GALNTL6: variants seen among roughly 807,000 people sequenced by gnomAD.
GALNTL6 encodes polypeptide N-acetylgalactosaminyltransferase-like 6.
In GALNTL6, 46 loss-of-function variants were observed where a neutral mutation model predicts 73.7. The ratio of observed to expected loss-of-function variants is 0.62; its 90% confidence interval spans 0.49 to 0.80. GALNTL6 has a LOEUF of 0.80. GALNTL6 is among the 30% of genes least tolerant of loss of function. The pLI, the probability that GALNTL6 is intolerant of heterozygous loss-of-function variation, is 0.00. For missense variants in GALNTL6, 604 were observed against 755.0 expected, an observed-to-expected ratio of 0.80 and a Z score of 2.34; for synonymous variants, 259 against 263.7, an observed-to-expected ratio of 0.98 and a Z score of 0.17.
intron 5 of GALNTL6, among the ~76,000 whole-genome samples, chr4:172,489,959 G>A (rs1733838367): frequency 6.6e-6 from 1 of 152,148 alleles, no homozygotes. Flanking sequence ...TAAAATGTGG[G>A]TAAAAAATCT....
In GALNTL6 at chr4:172,166,429, G is replaced by A. The variant is rs377130853; in HGVS notation, c.139-63227G>A. Among the ~76,000 whole-genome samples, 10 of 151,668 alleles carry A rather than the reference G, an allele frequency of 6.6e-5. No individual in the cohort carries two copies. In the East Asian group the frequency reaches 1.2e-3, roughly 18 times the overall value. On this transcript the variant is annotated intron_variant, in intron 2 of 12. Transcript: ENST00000506823. The stretch of plus-strand genomic sequence containing the variant: ...TTGCTGCACTCCAGCCTGGGTGACA[G>A]AGCAAGACTCTGTCTCAAAAAAAAA...
At chr4:172,612,536 A>C (rs1738564286) in intron 5 of GALNTL6, among the ~76,000 whole-genome samples, 1 of 152,068 alleles carries the variant, frequency 6.6e-6, no homozygotes. Flanking sequence ...ACTGGGCAGA[A>C]TTAAGTCACG....
intron 5 of GALNTL6, among the ~76,000 whole-genome samples, chr4:172,500,683 T>G (rs960328014): frequency 2.6e-5 from 4 of 152,134 alleles, no homozygotes; most frequent in African/African-American, 9.7e-5. Flanking sequence ...AAGTTTTTTT[T>G]TTTGTTTTTT....
rs139084260 is a variant in GALNTL6, at chr4:171,988,674, G to C, written c.138+173956G>C. 8.0e-3 allele frequency among the ~76,000 whole-genome samples: 1,219 copies of C among 152,230 alleles called. 14 individuals carry two copies. The highest frequency in any genetic ancestry group is 0.028 in the African/African-American group (1,146 of 41,538). ...GCCTGGTTTTAGGACAGGTAAAATG[G>C]GGGAATGGTAAGGAGAGTGTATAGG... is the stretch of plus-strand genomic sequence containing the variant. On this transcript the variant is annotated intron_variant, in intron 2 of 12. Coordinates refer to ENST00000506823, the MANE Select transcript of GALNTL6 (RefSeq NM_001034845.3).
intron 2 of GALNTL6, among the ~76,000 whole-genome samples, chr4:172,075,482 CT>C (rs1207417003): frequency 6.6e-6 from 1 of 152,056 alleles, no homozygotes; most frequent in Admixed American, 6.6e-5. Context: ...CTACAGGCGC[CT>C]GCCACCAGGC....
At position 172,438,587 on chromosome 4, in the gene GALNTL6, C is replaced by T. The variant is rs1731721393; in HGVS notation, c.553+89898C>T. Among the ~76,000 whole-genome samples, 4 of 152,128 alleles carry T rather than the reference C, an allele frequency of 2.6e-5. No homozygotes were observed. In the South Asian group the frequency reaches 6.2e-4, roughly 24 times the overall value. ...CTCAATTAATAGTATATGCCCTTGA[C>T]AAAACTCTAGCATTTGTTAAATCTT... On this transcript the variant is annotated intron_variant, in intron 5 of 12. Coordinates refer to ENST00000506823, the MANE Select transcript of GALNTL6 (RefSeq NM_001034845.3).
At position 171,927,501 on chromosome 4, in the gene GALNTL6, T is replaced by C. The variant is rs530482550; in HGVS notation, c.138+112783T>C. On this transcript the variant is annotated intron_variant, in intron 2 of 12. Coordinates refer to ENST00000506823, the MANE Select transcript of GALNTL6 (RefSeq NM_001034845.3). ...TATATTATAATTAGAGTAACTATCT[T>C]GGTGTCTTCTATGGTTTCTCTGTTC... Among the ~76,000 whole-genome samples, 10 of 152,272 alleles carry C rather than the reference T, an allele frequency of 6.6e-5. No homozygotes were observed. The South Asian group carries it at 1.5e-3, about 22-fold the overall frequency.
At chr4:172,005,864 G>A (rs1429004952) in intron 2 of GALNTL6, among the ~76,000 whole-genome samples, 1 of 152,110 alleles carries the variant, frequency 6.6e-6, no homozygotes, top group Admixed American at 6.6e-5. Flanking sequence ...ATTAGTGGAA[G>A]CCTTAGCTTA....
intron 2 of GALNTL6, among the ~76,000 whole-genome samples, chr4:171,837,650 A>T (rs1340908186): frequency 6.8e-6 from 1 of 147,196 alleles, no homozygotes; most frequent in Non-Finnish European, 1.5e-5. Context: ...TATATTAATA[A>T]TAAATTAATA....
rs72997043 is a variant in GALNTL6 at position 172,539,175 on chromosome 4, G to A, written c.553+190486G>A. Reference sequence around the variant, plus strand: ...AATTTTTTTTGTGTTCTTTTCCTAGGGTACTTTTTTATCATTGCAACATAT... The same window carrying A: ...AATTTTTTTTGTGTTCTTTTCCTAGAGTACTTTTTTATCATTGCAACATAT... On this transcript the variant is annotated intron_variant, in intron 5 of 12. Transcript: ENST00000506823. Among the ~76,000 whole-genome samples the A allele has an allele frequency of 1.6e-3, 250 of 152,132 alleles. 2 individuals are homozygous for A. Among genetic ancestry groups the A allele is most frequent in the African/African-American group, 5.8e-3 (242 of 41,496 alleles).
chr4:172,832,175 C>T (rs1460911053), intron 7 of GALNTL6, among the ~76,000 whole-genome samples: 3 of 152,076 alleles, frequency 2.0e-5, no homozygotes, highest in Admixed American at 6.5e-5. Flanking sequence ...AATGAAGTTG[C>T]GGAACCAAGA....
intron 3 of GALNTL6, among the ~76,000 whole-genome samples, chr4:172,296,021 G>A (rs956085378): frequency 2.6e-5 from 4 of 152,024 alleles, no homozygotes; most frequent in African/African-American, 7.2e-5. Context: ...TTGAATAGAA[G>A]TATTGATGCT....
chr4:172,212,662 A>T (rs836312), intron 2 of GALNTL6, among the ~76,000 whole-genome samples: 148,477 of 152,090 alleles, frequency 0.98, 72,586 homozygotes, highest in East Asian at 1. Context: ...CTGCTCTTAT[A>T]TTTTTATTTT....
At chr4:172,274,004 C>G (rs998467561) in intron 3 of GALNTL6, among the ~76,000 whole-genome samples, 5 of 152,032 alleles carry the variant, frequency 3.3e-5, no homozygotes, top group Admixed American at 2.0e-4. Context: ...GTCTGAAAAC[C>G]AAAAAATTTT....
chr4:172,847,233 A>G (rs1315449019), intron 7 of GALNTL6, among the ~76,000 whole-genome samples: 3 of 151,972 alleles, frequency 2.0e-5, no homozygotes, highest in African/African-American at 7.2e-5. Flanking sequence ...ACTTTATTAA[A>G]GAGAACTCTA....
intron 5 of GALNTL6, among the ~76,000 whole-genome samples, chr4:172,615,607 C>T (rs1048385122): frequency 7.9e-5 from 12 of 152,120 alleles, no homozygotes; most frequent in African/African-American, 2.9e-4. Flanking sequence ...TATTACACTG[C>T]TCTTCACAAT....
At chr4:172,657,081 G>A (rs1398889488) in intron 5 of GALNTL6, among the ~76,000 whole-genome samples, 1 of 152,186 alleles carries the variant, frequency 6.6e-6, no homozygotes, top group African/African-American at 2.4e-5. Flanking sequence ...AACCATTGTT[G>A]ATTTCACTGT....
intron 5 of GALNTL6, among the ~76,000 whole-genome samples, chr4:172,580,775 TTTTG>T (rs761031950): frequency 1.1e-4 from 16 of 152,322 alleles, no homozygotes; most frequent in African/African-American, 2.9e-4. Context: ...GTTTTAATTT[TTTTG>T]TTTGTTTGTT....
intron 5 of GALNTL6, among the ~76,000 whole-genome samples, chr4:172,633,182 C>T (rs1739489114): frequency 6.6e-6 from 1 of 152,144 alleles, no homozygotes; most frequent in Admixed American, 6.5e-5. Flanking sequence ...AAGAGGGCCA[C>T]CATCCTCCAG....
Sources: allele counts gnomAD v4.1 joint callset (sites outside exome capture counted in the v4.1 genomes callset), GRCh38; gene constraint gnomAD v4.1.1; transcripts MANE v1.5; gene names NCBI Gene and HGNC (gene_info 2026-07-23, HGNC 2026-07-21).